MTF2: variants seen among roughly 807,000 people sequenced by gnomAD.
The protein encoded by MTF2 is metal-response element-binding transcription factor 2.
A neutral mutation model predicts 79.5 loss-of-function variants in MTF2; 11 were observed. That is an observed-to-expected ratio of 0.14 (90% CI 0.09 to 0.23). MTF2 has a LOEUF of 0.23. MTF2 is among the 10% of genes least tolerant of loss of function. MTF2 has a pLI of 1.00. For missense variants in MTF2, 486 were observed against 711.2 expected (o/e 0.68, Z 3.60); for synonymous variants, 208 against 232.8 (o/e 0.89, Z 0.97).
At chr1:93,089,783 T>G (rs1455236526) in intron 1 of MTF2, among the ~76,000 whole-genome samples, 1 of 151,998 alleles carries the variant, frequency 6.6e-6, no homozygotes, top group East Asian at 1.9e-4. Context: ...CCCAGGCTGG[T>G]CTTGAACTCC....
chr1:93,093,553 T>C (rs1655160142), intron 1 of MTF2, among the ~76,000 whole-genome samples: 1 of 152,228 alleles, frequency 6.6e-6, no homozygotes, highest in Non-Finnish European at 1.5e-5. Flanking sequence ...CTGTGTGACA[T>C]ACCTTGCATT....
intron 1 of MTF2, among the ~76,000 whole-genome samples, chr1:93,095,245 T>C (rs1655240227): frequency 6.6e-6 from 1 of 152,192 alleles, no homozygotes; most frequent in Admixed American, 6.5e-5. Context: ...CTCCTTATAT[T>C]GACCAGGCTG....
chr1:93,134,385 A>G (rs1647289284), intron 14 of MTF2, 190 bp downstream of exon 14: 1 of 544,926 alleles, frequency 1.8e-6, no homozygotes. Context: ...TGCTTTCTAG[A>G]GTACAAATGT....
chr1:93,108,142 C>A (rs1655881485), intron 1 of MTF2, among the ~76,000 whole-genome samples: 1 of 152,040 alleles, frequency 6.6e-6, no homozygotes, highest in African/African-American at 2.4e-5. Flanking sequence ...CTATTATTGC[C>A]AAATATATTA....
chr1:93,120,326 T>G, intron 8 of MTF2: 1 of 251,840 alleles, frequency 4.0e-6, no homozygotes, highest in Non-Finnish European at 7.3e-6. Context: ...AAAAAAGAAG[T>G]AATTCATATA....
chr1:93,087,365 A>T (rs2101019188), intron 1 of MTF2, among the ~76,000 whole-genome samples: 1 of 152,304 alleles, frequency 6.6e-6, no homozygotes, highest in African/African-American at 2.4e-5. Flanking sequence ...TGAGGTCGGG[A>T]GTTCAAAACC....
In MTF2 at chr1:93,116,404, G is replaced by GCCTATCTTGGCTTTTGA. The variant is rs1475318412; in HGVS notation, c.632+788_632+804dup. 2.6e-5 allele frequency among the ~76,000 whole-genome samples: 4 copies of GCCTATCTTGGCTTTTGA among 151,826 alleles called. No homozygotes were observed. The East Asian group carries it at 7.7e-4, about 29-fold the overall frequency. On this transcript the variant is annotated intron_variant, in intron 6 of 14. Coordinates refer to ENST00000370298, the MANE Select transcript of MTF2 (RefSeq NM_007358.4). Reference sequence around the variant, plus strand: ...TTTGGTGCAAGAGGCCTAGCTTTTGGCCTATCTTGGCTTTTGACATACCTT... The same window carrying GCCTATCTTGGCTTTTGA: ...TTTGGTGCAAGAGGCCTAGCTTTTGGCCTATCTTGGCTTTTGACCTATCTTGGCTTTTGACATACCTT...
intron 1 of MTF2, among the ~76,000 whole-genome samples, chr1:93,100,901 C>T (rs921497383): frequency 6.6e-6 from 1 of 152,288 alleles, no homozygotes; most frequent in East Asian, 1.9e-4. Flanking sequence ...TTGACTATAT[C>T]TGTATGAAAG....
chr1:93,126,556 G>A (rs1168087409), intron 9 of MTF2, among the ~76,000 whole-genome samples: 6 of 151,512 alleles, frequency 4.0e-5, no homozygotes, highest in Admixed American at 1.3e-4. Context: ...TTGCTAATAT[G>A]CCTTAGTCAA....
At chr1:93,120,114 T>C in intron 8 of MTF2, 1 of 152,650 alleles carries the variant, frequency 6.6e-6, no homozygotes, top group South Asian at 2.1e-4. Context: ...GAAACCACGT[T>C]TCTACTAAAA....
chr1:93,098,104 C>T (rs1457708483), intron 1 of MTF2, among the ~76,000 whole-genome samples: 4 of 152,164 alleles, frequency 2.6e-5, no homozygotes, highest in Admixed American at 1.3e-4. Context: ...ATGCCACTTT[C>T]TCTCTAATTT....
chr1:93,115,102 GT>G lies in MTF2; in HGVS notation c.483+18del, dbSNP rs773195934. On this transcript the variant is annotated intron_variant, in intron 5 of 14. Transcript: ENST00000370298. The stretch of plus-strand genomic sequence containing the variant: ...ACAACAACAAAGGTATATTTTAAGT[GT>G]TTTGGGCTAAAGCTCTGATGGAATT... The G allele has an allele frequency of 8.4e-6, 13 of 1,549,448 alleles. No homozygotes were observed. In the East Asian group the frequency reaches 2.7e-4, roughly 32 times the overall value.
chr1:93,085,487 T>G (rs1054429039), intron 1 of MTF2, among the ~76,000 whole-genome samples: 2 of 149,602 alleles, frequency 1.3e-5, no homozygotes, highest in African/African-American at 4.9e-5. Flanking sequence ...TTTTTTTTTT[T>G]TTTTTTTTCT....
intron 1 of MTF2, among the ~76,000 whole-genome samples, chr1:93,109,104 T>G (rs2101055152): frequency 6.6e-6 from 1 of 152,318 alleles, no homozygotes; most frequent in African/African-American, 2.4e-5. Context: ...TAAACTTTTA[T>G]GCTGTTTTTA....
intron 1 of MTF2, among the ~76,000 whole-genome samples, chr1:93,084,335 TC>T (rs1654744426): frequency 6.6e-6 from 1 of 152,214 alleles, no homozygotes; most frequent in African/African-American, 2.4e-5. Flanking sequence ...CCAGTTTTAT[TC>T]CATTGATTTA....
intron 1 of MTF2, among the ~76,000 whole-genome samples, chr1:93,098,192 C>A (rs549977731): frequency 2.0e-5 from 3 of 152,236 alleles, no homozygotes; most frequent in African/African-American, 7.2e-5. Flanking sequence ...CATATGTTCC[C>A]TAGGCTTATG....
At chr1:93,084,145 A>AT (rs1654736267) in intron 1 of MTF2, among the ~76,000 whole-genome samples, 1 of 151,834 alleles carries the variant, frequency 6.6e-6, no homozygotes, top group African/African-American at 2.4e-5. Context: ...TCCGTCATCT[A>AT]TTTTGAGTCA....
rs779720082 is a variant in MTF2, at chr1:93,119,316, T to TC, written c.729-17_729-16insC. On this transcript the variant is annotated splice_polypyrimidine_tract_variant and intron_variant, in intron 7 of 14. Transcript: ENST00000370298. Reference sequence around the variant, plus strand: ...ATGACTCAGTATAAAACTTTTTCTTTTTTTTTTTTTTCTTAGATTTTATAC... The same window carrying TC: ...ATGACTCAGTATAAAACTTTTTCTTTCTTTTTTTTTTTCTTAGATTTTATAC... 1.3e-6 allele frequency: 2 copies of TC among 1,534,088 alleles called. No homozygotes were observed. The highest frequency in any genetic ancestry group is 1.8e-6 in the Non-Finnish European group (2 of 1,137,756).
chr1:93,137,168 T>C lies in MTF2; in HGVS notation c.*141T>C. The C allele has an allele frequency of 1.6e-6, 1 of 609,024 alleles. No individual in the cohort carries two copies. The allele number at this position is 609,024 out of a possible 1,614,324, so 37.7% of individuals were successfully genotyped here. ...TTCAAAAAAGGGGATGATACTAGCC[T>C]TAACATGTACCTGTCAATGTTATGG... On this transcript the variant is annotated 3_prime_UTR_variant, in exon 15 of 15. Transcript: ENST00000370298.
Sources: allele counts gnomAD v4.1 joint callset (sites outside exome capture counted in the v4.1 genomes callset), GRCh38; gene constraint gnomAD v4.1.1; transcripts MANE v1.5; gene names NCBI Gene and HGNC (gene_info 2026-07-23, HGNC 2026-07-21).